The following CAP1 variants were observed in gnomAD, a reference collection of about 807,000 sequenced individuals.
The protein encoded by CAP1 is adenylyl cyclase-associated protein 1.
A neutral mutation model predicts 58.2 loss-of-function variants in CAP1; 11 were observed. The ratio of observed to expected loss-of-function variants is 0.19; its 90% CI spans 0.12 to 0.31. The LOEUF (loss-of-function observed/expected upper bound fraction) is 0.31, where lower values mean the gene tolerates loss of function less well. CAP1 is among the 10% of genes least tolerant of loss of function. CAP1 has a pLI of 1.00. For synonymous variants in CAP1, 183 were observed against 213.8 expected (o/e 0.86, Z 1.26); for missense variants, 423 against 587.5 (o/e 0.72, Z 2.89).
intron 1 of CAP1, among the ~76,000 whole-genome samples, chr1:40,054,017 C>G (rs186850528): frequency 1.3e-5 from 2 of 152,038 alleles, no homozygotes; most frequent in African/African-American, 4.8e-5. Context: ...ATTTGAAAGA[C>G]AGGAGGGTTT....
At position 40,061,741 on chromosome 1, in the gene CAP1, A is replaced by G. The variant is rs1646860949; in HGVS notation, c.223A>G (p.Met75Val). 6.2e-7 allele frequency: 1 copy of G among 1,613,896 alleles called. No individual in the cohort carries two copies. The highest frequency in any genetic ancestry group is 8.5e-7 in the Non-Finnish European group (1 of 1,179,800). ...TGATTCTTCTTTCTGGCAGGCGGAG[A>G]TGGTCCACACAGGTTTGAAGTTGGA... ...IGGDVQKHAE[M>V]VHTGLKLERA... Residue 75 changes from methionine (M) to valine (V), a missense_variant, in exon 4 of 13, where the codon ATG becomes GTG. Transcript: ENST00000372805.
chr1:40,057,807 G>T (rs942102637), intron 1 of CAP1, among the ~76,000 whole-genome samples: 1 of 152,150 alleles, frequency 6.6e-6, no homozygotes, highest in Non-Finnish European at 1.5e-5. Context: ...CTGAATTGAC[G>T]CTTTTGTGAA....
intron 1 of CAP1, among the ~76,000 whole-genome samples, chr1:40,057,050 C>G (rs1307985284): frequency 1.3e-5 from 2 of 152,130 alleles, no homozygotes; most frequent in Non-Finnish European, 2.9e-5. Flanking sequence ...CCTATAAATA[C>G]AAATGAAATA....
intron 1 of CAP1, among the ~76,000 whole-genome samples, chr1:40,051,602 G>A (rs562351742): frequency 6.6e-6 from 1 of 152,252 alleles, no homozygotes; most frequent in South Asian, 2.1e-4. Context: ...TTGAGATGGA[G>A]TCTCACTCTG....
intron 1 of CAP1, among the ~76,000 whole-genome samples, chr1:40,053,429 AC>A (rs1646469270): frequency 6.6e-6 from 1 of 151,876 alleles, no homozygotes; most frequent in Non-Finnish European, 1.5e-5. Context: ...TAGGTTCTTT[AC>A]TCACTAGTTG....
chr1:40,060,516 A>G (rs891789243), intron 3 of CAP1, among the ~76,000 whole-genome samples: 6 of 152,220 alleles, frequency 3.9e-5, no homozygotes, highest in South Asian at 4.1e-4. Flanking sequence ...AGTCATTATC[A>G]TGACTTAGCA....
At chr1:40,042,196 A>G (rs1213650259) in intron 1 of CAP1, among the ~76,000 whole-genome samples, 1 of 152,114 alleles carries the variant, frequency 6.6e-6, no homozygotes, top group African/African-American at 2.4e-5. Flanking sequence ...GTTTATTAAG[A>G]CCTTAATATG....
chr1:40,062,756 C>A (rs1222214245), intron 4 of CAP1, among the ~76,000 whole-genome samples: 3 of 122,434 alleles, frequency 2.5e-5, no homozygotes, highest in Non-Finnish European at 5.4e-5. Flanking sequence ...CAGAGCAAGA[C>A]CTTCTCTCAA....
chr1:40,066,424 A>G (rs2124407481), intron 7 of CAP1, 104 bp downstream of exon 7: 2 of 672,106 alleles, frequency 3.0e-6, no homozygotes, highest in East Asian at 2.7e-5. Context: ...CTGTGAGGGA[A>G]TGCTAGTTTT....
At chr1:40,055,202 T>C (rs1257312935) in intron 1 of CAP1, among the ~76,000 whole-genome samples, 1 of 152,098 alleles carries the variant, frequency 6.6e-6, no homozygotes, top group East Asian at 1.9e-4. Context: ...CCCGGGTTGC[T>C]GTAGTGTGCT....
chr1:40,067,131 A>G (rs1030223724), intron 7 of CAP1: 16 of 167,570 alleles, frequency 9.5e-5, no homozygotes, highest in Non-Finnish European at 1.9e-4. Context: ...AGAAGATTGA[A>G]TAGTCAGTCT....
chr1:40,071,083 A>G, intron 12 of CAP1, 104 bp downstream of exon 12: 1 of 1,061,628 alleles, frequency 9.4e-7, no homozygotes, highest in Non-Finnish European at 1.4e-6. Context: ...TGAGCAGGTA[A>G]AAACCCAATA....
intron 7 of CAP1, 118 bp from the exon 8 acceptor site, chr1:40,067,422 C>A: frequency 1.2e-6 from 1 of 814,192 alleles, no homozygotes; most frequent in South Asian, 1.9e-5. Flanking sequence ...ACACATTAAT[C>A]ATTGCCTCAA....
intron 1 of CAP1, among the ~76,000 whole-genome samples, chr1:40,052,624 C>A (rs190296194): frequency 6.6e-6 from 1 of 151,884 alleles, no homozygotes; most frequent in African/African-American, 2.4e-5. Context: ...GAACTTCTGG[C>A]CTTAAGCCAT....
intron 1 of CAP1, among the ~76,000 whole-genome samples, chr1:40,045,004 T>TCAA (rs1646024736): frequency 1.3e-5 from 2 of 151,806 alleles, no homozygotes; most frequent in Non-Finnish European, 2.9e-5. Flanking sequence ...CACTGTGGTC[T>TCAA]TGATCTCCTG....
Position 40,061,858 on chromosome 1 carries a change from C to T in CAP1, c.294+46C>T, listed in dbSNP as rs115907554. 1.5e-3 allele frequency: 1,980 copies of T among 1,341,252 alleles called. 17 individuals are homozygous for T. In the African/African-American group the frequency reaches 0.022, roughly 15 times the overall value. 83.1% of individuals were successfully genotyped at this position (1,341,252 alleles called of 1,614,324 possible). ...TTTCATTTTGGTTTGATGCTCAGGA[C>T]GAGTTGAGAGATTTATGTCAAGCTA... On this transcript the variant is annotated intron_variant, in intron 4 of 12. Transcript: ENST00000372805.
chr1:40,051,492 G>A, intron 1 of CAP1, among the ~76,000 whole-genome samples: 1 of 152,212 alleles, frequency 6.6e-6, no homozygotes, highest in East Asian at 1.9e-4. Context: ...GGTCAAGGCT[G>A]CAGTGAGCTG....
intron 8 of CAP1, among the ~76,000 whole-genome samples, chr1:40,069,268 A>T (rs12039160): frequency 0.16 from 23,856 of 152,124 alleles, 1,880 homozygotes; most frequent in Admixed American, 0.19. Context: ...TAGAGTTGCA[A>T]ATGCCAACAC....
intron 7 of CAP1, chr1:40,067,307 A>G (rs547040820): frequency 5.0e-5 from 22 of 442,634 alleles, no homozygotes; most frequent in African/African-American, 4.3e-4. Context: ...TAGAGCTGGA[A>G]TCAGGTGAGT....
Sources: allele counts gnomAD v4.1 joint callset (sites outside exome capture counted in the v4.1 genomes callset), GRCh38; gene constraint gnomAD v4.1.1; transcripts MANE v1.5; gene names NCBI Gene and HGNC (gene_info 2026-07-23, HGNC 2026-07-21).